The following LHX2 variants were observed in gnomAD, a reference collection of about 807,000 sequenced individuals.
The protein encoded by LHX2 is LIM homeobox 2.
In LHX2, 6 loss-of-function variants were observed where a neutral mutation model predicts 33.0. That is an observed-to-expected ratio of 0.18 (90% CI 0.10 to 0.36). The LOEUF is 0.36. Among genes scored for constraint, LHX2 ranks in the 10% least tolerant of loss-of-function variants. The probability of loss-of-function intolerance (pLI) is 1.00; values close to 1 mark genes in which losing one functional copy is unlikely to be tolerated. For missense variants in LHX2, 442 were observed against 586.2 expected (o/e 0.75, Z 2.54); for synonymous variants, 292 against 253.1 (o/e 1.15, Z -1.46).
intron 4 of LHX2, among the ~76,000 whole-genome samples, chr9:124,030,143 C>G (rs1828687559): frequency 6.6e-6 from 1 of 152,278 alleles, no homozygotes. Flanking sequence ...TTCACAGGGT[C>G]TGGATCTCCC....
Position 124,032,524 on chromosome 9 carries a change from A to T in LHX2, c.1038A>T (p.Pro346=). Residue 346 remains proline, a synonymous_variant, in exon 5 of 5, where the codon CCA becomes CCT. Coordinates refer to ENST00000373615, the MANE Select transcript of LHX2 (RefSeq NM_004789.4). This position sits in a 1 kb window ranked among gnomAD's most constrained non-coding sequence, Gnocchi z 4.1. ...ACGCGGCGCTGCAGACAGGGACGCC[A>T]TCGGGCCCGGCCTCGGAGCTCTCCA... The part of the protein sequence containing the change: ...STDAALQTGT[P]SGPASELSNA... The T allele has an allele frequency of 6.2e-7, 1 of 1,613,906 alleles. No individual in the cohort carries two copies. Among genetic ancestry groups the T allele is most frequent in the South Asian group, 1.1e-5 (1 of 91,078 alleles).
chr9:124,012,311 G>T lies in LHX2; in HGVS notation c.-38G>T, dbSNP rs1374501627. On this transcript the variant is annotated 5_prime_UTR_variant, in exon 1 of 5. Coordinates refer to ENST00000373615, the MANE Select transcript of LHX2 (RefSeq NM_004789.4). This position sits in a 1 kb window ranked among gnomAD's most constrained non-coding sequence, Gnocchi z 4.3. The stretch of plus-strand genomic sequence containing the variant: ...TGAGGCGGGGGGCAAGCCCTCCCTC[G>T]GAGGAGCCGCGCCCCCGGCCCCGCC... The T allele has an allele frequency of 1.3e-5, 19 of 1,474,052 alleles. No homozygotes were observed. The highest frequency in any genetic ancestry group is 6.4e-5 in the South Asian group (5 of 78,288). The allele number at this position is 1,474,052 out of a possible 1,614,324, so 91.3% of individuals were successfully genotyped here.
At chr9:124,029,560 G>T (rs1287307008) in intron 4 of LHX2, among the ~76,000 whole-genome samples, 6 of 152,160 alleles carry the variant, frequency 3.9e-5, no homozygotes, top group Non-Finnish European at 7.3e-5. Flanking sequence ...GTGGACGATG[G>T]TGTCATTGTT....
intron 4 of LHX2, among the ~76,000 whole-genome samples, chr9:124,025,301 C>T (rs761060807): frequency 2.6e-5 from 4 of 152,008 alleles, no homozygotes; most frequent in Non-Finnish European, 5.9e-5. Flanking sequence ...ATTAGCCGGG[C>T]GTGGTGGCAT....
At position 124,012,509 on chromosome 9, in the gene LHX2, G is replaced by GGGGCC; in HGVS notation, c.120+47_120+51dup. 6.7e-7 allele frequency: 1 copy of GGGGCC among 1,497,946 alleles called. No homozygotes were observed. The highest frequency in any genetic ancestry group is 8.9e-7 in the Non-Finnish European group (1 of 1,129,062). 92.8% of individuals were successfully genotyped at this position (1,497,946 alleles called of 1,614,324 possible). A position where few individuals can be genotyped will look rare whatever the true frequency, so the allele number is the denominator to read the frequency against. On this transcript the variant is annotated intron_variant, in intron 1 of 4. Transcript: ENST00000373615. The surrounding 1 kb of genome is among the most constrained non-coding windows in gnomAD (Gnocchi z 4.3). ...TGGGGTCGGGGCTGAGAGCTGGGAT[G>GGGGCC]GGGCCGGGCCAGTCAGCGCCTCTGC...
intron 1 of LHX2, among the ~76,000 whole-genome samples, chr9:124,013,159 C>G (rs1351414598): frequency 6.6e-6 from 1 of 152,236 alleles, no homozygotes; most frequent in Admixed American, 6.5e-5. Flanking sequence ...CGAGCAGACA[C>G]TGCCCGACCA....
chr9:124,013,904 C>A, intron 1 of LHX2, 57 bp from the exon 2 acceptor site: 1 of 1,548,968 alleles, frequency 6.5e-7, no homozygotes, highest in Non-Finnish European at 8.8e-7. Context: ...TTCCCGGCGG[C>A]GGAGGGGCCG....
In LHX2 at chr9:124,016,085, C is replaced by G. The variant is rs1454233433; in HGVS notation, c.727+560C>G. 1.3e-5 allele frequency among the ~76,000 whole-genome samples: 2 copies of G among 152,244 alleles called. No individual in the cohort carries two copies. The highest frequency in any genetic ancestry group is 1.3e-4 in the Admixed American group (2 of 15,288). On this transcript the variant is annotated intron_variant, in intron 3 of 4. Coordinates refer to ENST00000373615, the MANE Select transcript of LHX2 (RefSeq NM_004789.4). The surrounding 1 kb of genome is among the most constrained non-coding windows in gnomAD (Gnocchi z 4.4). ...AGGCTGCGGTTCCTTTTGCTCGGCC[C>G]GATCCTCCTTTAAAGACAGGTCTCA...
intron 4 of LHX2, among the ~76,000 whole-genome samples, chr9:124,025,332 T>G (rs1828598054): frequency 1.4e-5 from 2 of 147,668 alleles, no homozygotes; most frequent in African/African-American, 5.1e-5. Flanking sequence ...TCCCAGCTGC[T>G]GGGGAGGCTG....
At chr9:124,013,870 A>G (rs1472093204) in intron 1 of LHX2, 91 bp from the exon 2 acceptor site, 6 of 1,212,898 alleles carry the variant, frequency 4.9e-6, no homozygotes, top group South Asian at 2.7e-5. Flanking sequence ...AGCCAAGGCC[A>G]CAGAGGGAGT....
chr9:124,015,105 CT>C lies in LHX2; in HGVS notation c.324-16del. ...AACCGTGTGTTCCCACAGCCCCTCC[CT>C]CCATGGTCCCTACAGGCGCTTCTCT... On this transcript the variant is annotated splice_polypyrimidine_tract_variant and intron_variant, in intron 2 of 4. Transcript: ENST00000373615. The surrounding 1 kb of genome is among the most constrained non-coding windows in gnomAD (Gnocchi z 7.9). 6.2e-7 allele frequency: 1 copy of C among 1,609,964 alleles called. No individual in the cohort carries two copies. Among genetic ancestry groups the C allele is most frequent in the South Asian group, 1.1e-5 (1 of 91,072 alleles).
At chr9:124,021,053 G>A (rs1328750573) in intron 3 of LHX2, 46 bp from the exon 4 acceptor site, 1 of 1,575,592 alleles carries the variant, frequency 6.3e-7, no homozygotes, top group African/African-American at 1.3e-5. Context: ...TTGGCATGGG[G>A]GGCGGGTCAG....
intron 3 of LHX2, among the ~76,000 whole-genome samples, chr9:124,019,737 G>C (rs2118761055): frequency 6.6e-6 from 1 of 152,274 alleles, no homozygotes; most frequent in Non-Finnish European, 1.5e-5. Flanking sequence ...CTCTGTTACG[G>C]GTATGTGATG....
In LHX2 at chr9:124,016,621, G is replaced by T. The variant is rs2118754175; in HGVS notation, c.727+1096G>T. Among the ~76,000 whole-genome samples the T allele has an allele frequency of 6.6e-6, 1 of 152,220 alleles. No homozygotes were observed. Among genetic ancestry groups the T allele is most frequent in the African/African-American group, 2.4e-5 (1 of 41,536 alleles). On this transcript the variant is annotated intron_variant, in intron 3 of 4. Coordinates refer to ENST00000373615, the MANE Select transcript of LHX2 (RefSeq NM_004789.4). This position sits in a 1 kb window ranked among gnomAD's most constrained non-coding sequence, Gnocchi z 4.4. Reference sequence around the variant, plus strand: ...AGAAGTCAGTTATTTTCATCTTAAAGAATCTGAGTTGAATAGAGAGGGAAA... The same window carrying T: ...AGAAGTCAGTTATTTTCATCTTAAATAATCTGAGTTGAATAGAGAGGGAAA...
Position 124,015,008 on chromosome 9 carries a change from G to C in LHX2, c.324-114G>C, listed in dbSNP as rs1859159445. 2 of 1,216,996 alleles carry C rather than the reference G, an allele frequency of 1.6e-6. No individual in the cohort carries two copies. Among genetic ancestry groups the C allele is most frequent in the African/African-American group, 3.0e-5 (2 of 66,302 alleles). 75.4% of individuals were successfully genotyped at this position (1,216,996 alleles called of 1,614,324 possible). On this transcript the variant is annotated intron_variant, in intron 2 of 4. Coordinates refer to ENST00000373615, the MANE Select transcript of LHX2 (RefSeq NM_004789.4). The surrounding 1 kb of genome is among the most constrained non-coding windows in gnomAD (Gnocchi z 7.9). ...CCCCCATCCTCCAAATAAAGGCCGGGTTGTTCGTCTTGAGGAGGGGATTGC... is the reference window on the plus strand; with the variant it reads ...CCCCCATCCTCCAAATAAAGGCCGGCTTGTTCGTCTTGAGGAGGGGATTGC...
Position 124,032,529 on chromosome 9 carries a change from G to T in LHX2, c.1043G>T (p.Gly348Val), listed in dbSNP as rs780990221. The T allele has an allele frequency of 1.2e-6, 2 of 1,613,908 alleles. No individual in the cohort carries two copies. Among genetic ancestry groups the T allele is most frequent in the South Asian group, 2.2e-5 (2 of 91,070 alleles). The change falls in exon 5 of 5, where the codon GGC becomes GTC. Residue 348 changes from glycine (G) to valine (V), a missense_variant. Physicochemically the swap from Gly to Val is moderately radical, Grantham distance 109. Transcript: ENST00000373615. This position sits in a 1 kb window ranked among gnomAD's most constrained non-coding sequence, Gnocchi z 4.1. ...GCGCTGCAGACAGGGACGCCATCGG[G>T]CCCGGCCTCGGAGCTCTCCAACGCC... The part of the protein sequence containing the change: ...DAALQTGTPS[G>V]PASELSNASL...
intron 3 of LHX2, among the ~76,000 whole-genome samples, chr9:124,017,230 C>G (rs1021493887): frequency 1.3e-5 from 2 of 152,130 alleles, no homozygotes; most frequent in Non-Finnish European, 2.9e-5. Context: ...TCCGTCCTTT[C>G]TCTCTATCTC....
At chr9:124,031,651 C>T (rs1352344152) in intron 4 of LHX2, 1 of 152,114 alleles carries the variant, frequency 6.6e-6, no homozygotes, top group Non-Finnish European at 1.5e-5. Flanking sequence ...ATGTATTTTG[C>T]TTAACTCAGT....
intron 1 of LHX2, among the ~76,000 whole-genome samples, chr9:124,013,498 G>A (rs550754325): frequency 4.6e-5 from 7 of 152,342 alleles, no homozygotes; most frequent in African/African-American, 1.7e-4. Flanking sequence ...CTGGAGCTGG[G>A]GCCCAGGAAC....
Sources: allele counts gnomAD v4.1 joint callset (sites outside exome capture counted in the v4.1 genomes callset), GRCh38; gene constraint gnomAD v4.1.1; non-coding constraint Gnocchi (gnomAD v3.1); transcripts MANE v1.5; gene names NCBI Gene and HGNC (gene_info 2026-07-23, HGNC 2026-07-21).